EIF5B: variants seen among roughly 807,000 people sequenced by gnomAD.
EIF5B encodes the protein eukaryotic translation initiation factor 5B, also known as eIF-5B.
In EIF5B, 47 loss-of-function variants were observed where a neutral mutation model predicts 147.5. That is an observed-to-expected ratio of 0.32 (90% confidence interval 0.25 to 0.41). The LOEUF is 0.41. Ranked by LOEUF, EIF5B falls within the 10% of genes least tolerant of loss-of-function variation. EIF5B has a pLI of 1.00. For missense variants in EIF5B, 1,064 were observed against 1,413.2 expected (o/e 0.75, Z 3.96); for synonymous variants, 455 against 456.2 (o/e 1.00, Z 0.03).
At position 99,383,039 on chromosome 2, in the gene EIF5B, T is replaced by C. The variant is rs571793899; in HGVS notation, c.2271+118T>C. ...CTCATTTTATTGTGCTTCACTATAT[T>C]GTGCTTCACAGATATTGTGTGTGTG... On this transcript the variant is annotated intron_variant, in intron 14 of 23. Coordinates refer to ENST00000289371, the MANE Select transcript of EIF5B (RefSeq NM_015904.4). 3.6e-6 allele frequency: 4 copies of C among 1,125,014 alleles called. No individual in the cohort carries two copies. In the East Asian group the frequency reaches 1.1e-4, roughly 30 times the overall value. The allele number at this position is 1,125,014 out of a possible 1,614,324, so 69.7% of individuals were successfully genotyped here.
chr2:99,345,471 A>G (rs929165531), intron 1 of EIF5B, among the ~76,000 whole-genome samples: 3 of 151,762 alleles, frequency 2.0e-5, no homozygotes, highest in East Asian at 1.9e-4. Flanking sequence ...GTGCATGCCT[A>G]TAATCCCAGC....
At chr2:99,374,491 A>G (rs1674524099) in intron 9 of EIF5B, among the ~76,000 whole-genome samples, 2 of 152,140 alleles carry the variant, frequency 1.3e-5, no homozygotes, top group Admixed American at 6.5e-5. Context: ...AGAACACTTT[A>G]GAGTTTTTTT....
intron 18 of EIF5B, among the ~76,000 whole-genome samples, chr2:99,393,783 A>T (rs1019403911): frequency 1.3e-5 from 2 of 152,174 alleles, no homozygotes; most frequent in Non-Finnish European, 2.9e-5. Flanking sequence ...AGTGGCATTG[A>T]TAAACTTGTT....
At chr2:99,370,948 AAAT>A (rs1674432410) in intron 8 of EIF5B, among the ~76,000 whole-genome samples, 1 of 152,236 alleles carries the variant, frequency 6.6e-6, no homozygotes, top group African/African-American at 2.4e-5. Context: ...GTTAAAAGCA[AAAT>A]AATAAATTCC....
At position 99,361,821 on chromosome 2, in the gene EIF5B, G is replaced by A; in HGVS notation, c.919+1G>A. 1.3e-6 allele frequency: 2 copies of A among 1,534,252 alleles called. No individual in the cohort carries two copies. The highest frequency in any genetic ancestry group is 1.7e-6 in the Non-Finnish European group (2 of 1,152,000). On this transcript the variant is annotated splice_donor_variant, in intron 4 of 23. Coordinates refer to ENST00000289371, the MANE Select transcript of EIF5B (RefSeq NM_015904.4). LOFTEE classifies it high-confidence loss of function. ...GCAGAGACTCCCACAGCTGCAGAAGGTTGGTTAATACTTTAGAGGAAAGAG... is the reference window on the plus strand; with the variant it reads ...GCAGAGACTCCCACAGCTGCAGAAGATTGGTTAATACTTTAGAGGAAAGAG...
chr2:99,383,868 C>G (rs942977803), intron 14 of EIF5B, among the ~76,000 whole-genome samples: 15 of 144,440 alleles, frequency 1.0e-4, no homozygotes, highest in Non-Finnish European at 1.1e-4. Context: ...GGCTGACTCT[C>G]TAGTTAGGGT....
intron 9 of EIF5B, 42 bp from the exon 10 acceptor site, chr2:99,376,305 A>G: frequency 8.2e-7 from 1 of 1,224,974 alleles, no homozygotes; most frequent in Non-Finnish European, 1.1e-6. Flanking sequence ...TAAATCTATC[A>G]TATTAATGTT....
intron 4 of EIF5B, among the ~76,000 whole-genome samples, chr2:99,362,178 T>TA (rs1176573523): frequency 6.6e-6 from 1 of 152,236 alleles, no homozygotes; most frequent in African/African-American, 2.4e-5. Flanking sequence ...TTCCTGTCTT[T>TA]AAAAACCTAG....
chr2:99,360,126 T>C (rs970872439), intron 1 of EIF5B, 110 bp from the exon 2 acceptor site: 6 of 1,303,620 alleles, frequency 4.6e-6, no homozygotes, highest in African/African-American at 4.5e-5. Context: ...CAAATGATTT[T>C]TCTCATTGTG....
chr2:99,390,781 C>G, intron 17 of EIF5B, 76 bp downstream of exon 17: 1 of 1,461,464 alleles, frequency 6.8e-7, no homozygotes. Context: ...GGTTTCCTCA[C>G]TTTGAAAGCT....
At chr2:99,340,815 G>C (rs978922688) in intron 1 of EIF5B, 2 of 151,730 alleles carry the variant, frequency 1.3e-5, no homozygotes, top group Non-Finnish European at 2.9e-5. Flanking sequence ...TGTCACCCCG[G>C]GTGGAGTACA....
chr2:99,346,711 C>T (rs1164505392), intron 1 of EIF5B, among the ~76,000 whole-genome samples: 1 of 142,674 alleles, frequency 7.0e-6, no homozygotes. Flanking sequence ...GCTGGCACTA[C>T]AGGCACCCGC....
At chr2:99,347,968 C>T (rs2105337027) in intron 1 of EIF5B, among the ~76,000 whole-genome samples, 1 of 152,140 alleles carries the variant, frequency 6.6e-6, no homozygotes, top group East Asian at 1.9e-4. Flanking sequence ...AATTTTGAAG[C>T]TTCTGAAATC....
At chr2:99,376,671 C>G in intron 10 of EIF5B, 35 bp downstream of exon 10, 2 of 1,562,752 alleles carry the variant, frequency 1.3e-6, no homozygotes, top group Non-Finnish European at 1.7e-6. Context: ...ACTTTTCTTC[C>G]CACTCCTCTG....
chr2:99,388,472 G>C (rs1674855333), intron 14 of EIF5B, among the ~76,000 whole-genome samples: 1 of 151,824 alleles, frequency 6.6e-6, no homozygotes, highest in African/African-American at 2.4e-5. Context: ...GTTTGAGGAA[G>C]TTTCCTTCTA....
At chr2:99,367,676 G>T (rs1406271451) in intron 6 of EIF5B, among the ~76,000 whole-genome samples, 1 of 151,874 alleles carries the variant, frequency 6.6e-6, no homozygotes, top group Non-Finnish European at 1.5e-5. Context: ...GATGGTCCTG[G>T]ACTCCTGACC....
At chr2:99,389,920 C>T in intron 15 of EIF5B, 71 bp downstream of exon 15, 4 of 1,491,500 alleles carry the variant, frequency 2.7e-6, no homozygotes, top group Non-Finnish European at 3.6e-6. Context: ...ATAATGAAGT[C>T]AGCATTTTCA....
chr2:99,381,516 GGGGTGTGTGTGTGT>G (rs1192930793), intron 12 of EIF5B, among the ~76,000 whole-genome samples: 1 of 134,718 alleles, frequency 7.4e-6, no homozygotes, highest in Non-Finnish European at 1.7e-5. Context: ...ATACAAAAAG[GGGGTGTGTGTGTGT>G]GTGTGTGTGT....
chr2:99,351,183 A>G (rs1490576621), intron 1 of EIF5B, among the ~76,000 whole-genome samples: 1 of 152,364 alleles, frequency 6.6e-6, no homozygotes, highest in Non-Finnish European at 1.5e-5. Context: ...AGAAATTCAT[A>G]TAAGTAGAAT....
Sources: allele counts gnomAD v4.1 joint callset (sites outside exome capture counted in the v4.1 genomes callset), GRCh38; gene constraint gnomAD v4.1.1; transcripts MANE v1.5; gene names NCBI Gene and HGNC (gene_info 2026-07-23, HGNC 2026-07-21).